The following CDK10 variants were observed in gnomAD, a reference collection of about 807,000 sequenced individuals.
The protein encoded by CDK10 is cyclin dependent kinase 10, also known as cyclin-dependent kinase 10.
Under a neutral mutation model 51.0 loss-of-function variants are expected in CDK10, and 55 were observed. That is an observed-to-expected ratio of 1.08 (90% CI 0.87 to 1.35). The LOEUF (loss-of-function observed/expected upper bound fraction) is 1.35, where lower values mean the gene tolerates loss of function less well. Among genes scored for constraint, CDK10 ranks in the 40% most tolerant of loss-of-function variants. CDK10 has a pLI of 0.00. For missense variants in CDK10, 589 were observed against 485.1 expected, an observed-to-expected ratio of 1.21 and a Z score of -2.01; for synonymous variants, 255 against 199.1, an observed-to-expected ratio of 1.28 and a Z score of -2.36.
chr16:89,695,477 C>T, intron 12 of CDK10, 118 bp from the exon 13 acceptor site: 1 of 1,448,194 alleles, frequency 6.9e-7, no homozygotes, highest in South Asian at 1.2e-5. Flanking sequence ...AGGACAGGGG[C>T]ATGTGGAGGC....
At chr16:89,693,561 G>A in intron 8 of CDK10, 94 bp downstream of exon 8, 1 of 1,283,688 alleles carries the variant, frequency 7.8e-7, no homozygotes, top group Non-Finnish European at 1.1e-6. Context: ...AACTGGCCTT[G>A]GGAATGTTAA....
At position 89,687,022 on chromosome 16, in the gene CDK10, G is replaced by A. The variant is rs1337147240; in HGVS notation, c.87+225G>A. 3 of 457,928 alleles carry A rather than the reference G, an allele frequency of 6.6e-6. 1 individual carries two copies. Among genetic ancestry groups the A allele is most frequent in the Admixed American group, 8.7e-5 (2 of 22,974 alleles). The allele number at this position is 457,928 out of a possible 1,614,324, so 28.4% of individuals were successfully genotyped here. A position where few individuals can be genotyped will look rare whatever the true frequency, so the allele number is the denominator to read the frequency against. ...GAGGGGCCGGGGCGGGCTCAGGGAT[G>A]CCTCGCGCCCGCGGAGAGACGGGCC... On this transcript the variant is annotated intron_variant, in intron 1 of 12. Transcript: ENST00000353379.
Position 89,696,292 on chromosome 16 carries a change from G to T in CDK10, c.*600G>T. Reference sequence around the variant, plus strand: ...TCCCCACATGGAGGACCCAACAGGAGGCCGTGGCTCTGATGCTGAGCGAAG... The same window carrying T: ...TCCCCACATGGAGGACCCAACAGGATGCCGTGGCTCTGATGCTGAGCGAAG... On this transcript the variant is annotated 3_prime_UTR_variant, in exon 13 of 13. Coordinates refer to ENST00000353379, the MANE Select transcript of CDK10 (RefSeq NM_052988.5). 1 of 216,498 alleles carries T rather than the reference G, an allele frequency of 4.6e-6. No individual in the cohort carries two copies. Among genetic ancestry groups the T allele is most frequent in the Admixed American group, 5.3e-5 (1 of 19,018 alleles). The allele number at this position is 216,498 out of a possible 1,614,324, so 13.4% of individuals were successfully genotyped here. A position where few individuals can be genotyped will look rare whatever the true frequency, so the allele number is the denominator to read the frequency against.
chr16:89,695,527 T>A lies in CDK10; in HGVS notation c.986-68T>A. On this transcript the variant is annotated intron_variant, in intron 12 of 12. Transcript: ENST00000353379. ...GCCAGGTCCAGAGGCAGAGCTGGAC[T>A]CAGACCTGGGCCTGCTCCTCCTATC... is the stretch of plus-strand genomic sequence containing the variant. 2.6e-6 allele frequency: 4 copies of A among 1,541,344 alleles called. No individual in the cohort carries two copies. The South Asian group carries it at 4.6e-5, about 18-fold the overall frequency.
chr16:89,687,323 G>T, intron 1 of CDK10: 1 of 381,702 alleles, frequency 2.6e-6, no homozygotes, highest in Non-Finnish European at 5.4e-6. Flanking sequence ...GGCGTTGGGC[G>T]GTGTTGCCCA....
chr16:89,692,189 A>G, intron 5 of CDK10: 1 of 525,134 alleles, frequency 1.9e-6, no homozygotes, highest in Non-Finnish European at 3.3e-6. Context: ...GGGAGCGGGG[A>G]GCCCTGGGCG....
chr16:89,690,889 A>G (rs974795772), intron 3 of CDK10, among the ~76,000 whole-genome samples: 1 of 150,704 alleles, frequency 6.6e-6, no homozygotes, highest in Admixed American at 6.6e-5. Context: ...TGTCCCCTCC[A>G]CCCCCAGCAC....
At chr16:89,695,488 ACAGACAGCC>A (rs1345144350) in intron 12 of CDK10, 98 bp from the exon 13 acceptor site, 6 of 1,479,476 alleles carry the variant, frequency 4.1e-6, no homozygotes, top group Non-Finnish European at 5.6e-6. Context: ...ATGTGGAGGC[ACAGACAGCC>A]CAGGGCCAGG....
In CDK10 at chr16:89,694,077, C is replaced by T; in HGVS notation, c.609-96C>T. 9 of 1,290,972 alleles carry T rather than the reference C, an allele frequency of 7.0e-6. No individual in the cohort carries two copies. The South Asian group carries it at 9.6e-5, about 14-fold the overall frequency. 80.0% of individuals were successfully genotyped at this position (1,290,972 alleles called of 1,614,324 possible). Reference sequence around the variant, plus strand: ...GGTGGTCCGAGTTGGGACAGGTTTCCAGGCCACCACAGGCTCTCGGGGAGG... The same window carrying T: ...GGTGGTCCGAGTTGGGACAGGTTTCTAGGCCACCACAGGCTCTCGGGGAGG... On this transcript the variant is annotated intron_variant, in intron 8 of 12. Coordinates refer to ENST00000353379, the MANE Select transcript of CDK10 (RefSeq NM_052988.5).
At chr16:89,693,019 T>C (rs1258323741) in intron 6 of CDK10, among the ~76,000 whole-genome samples, 1 of 150,878 alleles carries the variant, frequency 6.6e-6, no homozygotes, top group Non-Finnish European at 1.5e-5. Context: ...GCGCCTGTAG[T>C]CCCAGCTACT....
At chr16:89,687,128 GC>G (rs1207696553) in intron 1 of CDK10, 1 of 230,138 alleles carries the variant, frequency 4.3e-6, no homozygotes. Flanking sequence ...TGCAGGCTGA[GC>G]CGCGAGCCAC....
chr16:89,691,993 C>T (rs750112902), intron 5 of CDK10, 106 bp downstream of exon 5: 3 of 861,192 alleles, frequency 3.5e-6, no homozygotes, highest in Non-Finnish European at 5.5e-6. Context: ...CTGCTGCTGC[C>T]TCTGCCTCCA....
intron 1 of CDK10, chr16:89,687,670 C>T (rs756214200): frequency 9.1e-6 from 4 of 440,222 alleles, no homozygotes; most frequent in South Asian, 3.1e-5. Context: ...CTCAAGTGAT[C>T]TTCCTGCCTC....
At chr16:89,692,667 A>G in intron 6 of CDK10, 151 bp downstream of exon 6, 1 of 515,290 alleles carries the variant, frequency 1.9e-6, no homozygotes, top group East Asian at 3.6e-5. Context: ...AAAATAGAGA[A>G]GGGGTCTCTC....
Position 89,695,959 on chromosome 16 carries a change from G to C in CDK10, c.*267G>C, listed in dbSNP as rs2060704562. The C allele has an allele frequency of 1.6e-6, 1 of 643,250 alleles. No homozygotes were observed. Among genetic ancestry groups the C allele is most frequent in the East Asian group, 2.7e-5 (1 of 36,598 alleles). The allele number at this position is 643,250 out of a possible 1,614,324, so 39.8% of individuals were successfully genotyped here. A position where few individuals can be genotyped will look rare whatever the true frequency, so the allele number is the denominator to read the frequency against. On this transcript the variant is annotated 3_prime_UTR_variant, in exon 13 of 13. Transcript: ENST00000353379. ...CCATCCGTGGCTGCAGGGGTCTCAT[G>C]TGGTCCTCCTCGCTATGTTGGAAAT...
At chr16:89,687,162 C>T (rs3794637) in intron 1 of CDK10, 28,737 of 219,626 alleles carry the variant, frequency 0.13, 2,364 homozygotes, top group East Asian at 0.29. Context: ...AGAATTTACA[C>T]CCGCGACGAG....
chr16:89,687,559 C>T (rs1372494969), intron 1 of CDK10: 1 of 453,840 alleles, frequency 2.2e-6, no homozygotes, highest in Admixed American at 2.4e-5. Context: ...GTGAGTTGGC[C>T]TTTTCTTTTT....
chr16:89,691,218 G>C lies in CDK10; in HGVS notation c.233-225G>C, dbSNP rs569692203. On this transcript the variant is annotated intron_variant, in intron 3 of 12. Transcript: ENST00000353379. ...GAGAATTGCTTGAACCCGGGAGGCA[G>C]AGGTTGCGGTGAGCCGAGATGGTGC... Among the ~76,000 whole-genome samples the C allele has an allele frequency of 1.3e-5, 2 of 152,262 alleles. 1 individual carries two copies. The highest frequency in any genetic ancestry group is 4.1e-4 in the South Asian group (2 of 4,828).
chr16:89,693,397 G>A lies in CDK10; in HGVS notation c.539-1G>A, dbSNP rs765089166. The A allele has an allele frequency of 6.2e-7, 1 of 1,614,222 alleles. No individual in the cohort carries two copies. Among genetic ancestry groups the A allele is most frequent in the South Asian group, 1.1e-5 (1 of 91,090 alleles). On this transcript the variant is annotated splice_acceptor_variant, in intron 7 of 12. Transcript: ENST00000353379. LOFTEE classifies it high-confidence loss of function. ...GACACACACTCCCCTCTCTGCTGCA[G>A]CGGATTTCGGCCTGGCCCGGGCCTA... is the stretch of plus-strand genomic sequence containing the variant.
Sources: allele counts gnomAD v4.1 joint callset (sites outside exome capture counted in the v4.1 genomes callset), GRCh38; gene constraint gnomAD v4.1.1; transcripts MANE v1.5; gene names NCBI Gene and HGNC (gene_info 2026-07-23, HGNC 2026-07-21).